Variants in ITGA9 observed in about 807,000 individuals in gnomAD.
The protein encoded by ITGA9 is integrin subunit alpha 9, also known as integrin alpha-9.
A neutral mutation model predicts 127.8 loss-of-function variants in ITGA9; 56 were observed. The ratio of observed to expected loss-of-function variants is 0.44; its 90% CI spans 0.35 to 0.55. The LOEUF (loss-of-function observed/expected upper bound fraction) is 0.55. Ranked by LOEUF, ITGA9 falls within the 20% of genes least tolerant of loss-of-function variation. The probability of loss-of-function intolerance (pLI) is 0.00; values close to 1 mark genes in which losing one functional copy is unlikely to be tolerated. For missense variants in ITGA9, 1,196 were observed against 1,347.1 expected (o/e 0.89, Z 1.76); for synonymous variants, 508 against 514.5 (o/e 0.99, Z 0.17).
chr3:37,461,711 CATAAATCTGCA>C (rs1698318270), intron 1 of ITGA9, among the ~76,000 whole-genome samples: 1 of 152,246 alleles, frequency 6.6e-6, no homozygotes, highest in South Asian at 2.1e-4. Flanking sequence ...TTATGCTCTA[CATAAATCTGCA>C]TTTTTGTGCA....
intron 27 of ITGA9, among the ~76,000 whole-genome samples, chr3:37,810,423 C>CT (rs560251485): frequency 0.02 from 2,904 of 144,204 alleles, 65 homozygotes; most frequent in African/African-American, 0.061. Context: ...TAGTCTGTTT[C>CT]TTTTTTTTTT....
intron 22 of ITGA9, among the ~76,000 whole-genome samples, chr3:37,747,019 G>A (rs1696509324): frequency 1.3e-5 from 2 of 152,176 alleles, no homozygotes; most frequent in Admixed American, 6.5e-5. Context: ...AGGCCACCAA[G>A]CAGCATGTCA....
intron 4 of ITGA9, among the ~76,000 whole-genome samples, chr3:37,486,488 A>G (rs936845854): frequency 6.6e-6 from 1 of 152,238 alleles, no homozygotes; most frequent in African/African-American, 2.4e-5. Context: ...CACAGTGCTC[A>G]GTCGAGAGTG....
chr3:37,768,788 GTT>G (rs577459133), intron 23 of ITGA9, among the ~76,000 whole-genome samples: 5 of 144,100 alleles, frequency 3.5e-5, no homozygotes, highest in Non-Finnish European at 3.1e-5. Flanking sequence ...TACCTTTTAG[GTT>G]TTTTTTTTTT....
intron 15 of ITGA9, among the ~76,000 whole-genome samples, chr3:37,549,446 G>T (rs35513893): frequency 6.6e-6 from 1 of 152,196 alleles, no homozygotes; most frequent in African/African-American, 2.4e-5. Context: ...AAGCTTATTT[G>T]TACAGTATGT....
rs143278623 is a variant in ITGA9, at chr3:37,457,780, G to T, written c.185+5221G>T. ...TGAAGATCTGGAGAAGCTGGCAAGG[G>T]TGCTGTTTTCTGAGCTAGTGCTGAA... On this transcript the variant is annotated intron_variant, in intron 1 of 27. Coordinates refer to ENST00000264741, the MANE Select transcript of ITGA9 (RefSeq NM_002207.3). Among the ~76,000 whole-genome samples, 1,000 of 152,316 alleles carry T rather than the reference G, an allele frequency of 6.6e-3. 7 individuals carry two copies. Among genetic ancestry groups the T allele is most frequent in the Non-Finnish European group, 0.01 (708 of 68,032 alleles).
chr3:37,821,437 G>C lies in ITGA9; in HGVS notation c.*2448G>C, dbSNP rs996970616. 6.6e-6 allele frequency: 1 copy of C among 152,156 alleles called. No individual in the cohort carries two copies. The highest frequency in any genetic ancestry group is 1.5e-5 in the Non-Finnish European group (1 of 68,034). 9.4% of individuals were successfully genotyped at this position (152,156 alleles called of 1,614,324 possible). ...GGGTGGCAAAATGCAGTGGCATGTGGACTTTTTGAATGGGATGCCATTTGC... is the reference window on the plus strand; with the variant it reads ...GGGTGGCAAAATGCAGTGGCATGTGCACTTTTTGAATGGGATGCCATTTGC... On this transcript the variant is annotated 3_prime_UTR_variant, in exon 28 of 28. Transcript: ENST00000264741.
At chr3:37,530,091 C>A (rs906635710) in intron 13 of ITGA9, among the ~76,000 whole-genome samples, 2 of 152,192 alleles carry the variant, frequency 1.3e-5, no homozygotes, top group Admixed American at 6.5e-5. Flanking sequence ...CAAAGACAGG[C>A]TGGAGCCCCT....
At position 37,624,200 on chromosome 3, in the gene ITGA9, C is replaced by CTTTTTTTT. The variant is rs58307041; in HGVS notation, c.1690-4971_1690-4964dup. On this transcript the variant is annotated intron_variant, in intron 15 of 27. Transcript: ENST00000264741. ...GGTTAGCTAAGGAAGAAAAAAAACC[C>CTTTTTTTT]TTTTTTTTTTTTTTTTTTTTTTTAA... is the stretch of plus-strand genomic sequence containing the variant. Among the ~76,000 whole-genome samples the CTTTTTTTT allele has an allele frequency of 3.4e-4, 29 of 85,764 alleles. 3 individuals are homozygous for CTTTTTTTT. Among genetic ancestry groups the CTTTTTTTT allele is most frequent in the African/African-American group, 6.0e-4 (12 of 20,040 alleles). The allele number at this position is 85,764 out of a possible 152,430, so 56.3% of individuals were successfully genotyped here. A position where few individuals can be genotyped will look rare whatever the true frequency, so the allele number is the denominator to read the frequency against.
chr3:37,603,860 C>T (rs1699944035), intron 15 of ITGA9, among the ~76,000 whole-genome samples: 1 of 152,238 alleles, frequency 6.6e-6, no homozygotes, highest in African/African-American at 2.4e-5. Flanking sequence ...CTTTCCTCCA[C>T]ACCCTGCTGC....
chr3:37,533,259 G>C (rs1328088264), intron 13 of ITGA9, 55 bp from the exon 14 acceptor site: 5 of 1,552,108 alleles, frequency 3.2e-6, no homozygotes, highest in Non-Finnish European at 4.4e-6. Flanking sequence ...TTCTTGTTTG[G>C]TTCTGAGAGC....
At chr3:37,671,843 A>G (rs376367691) in intron 17 of ITGA9, among the ~76,000 whole-genome samples, 4 of 152,198 alleles carry the variant, frequency 2.6e-5, no homozygotes, top group African/African-American at 9.7e-5. Context: ...ACTACATGGC[A>G]TAGTAACTCA....
chr3:37,572,576 G>A (rs116851381), intron 15 of ITGA9, among the ~76,000 whole-genome samples: 3 of 152,302 alleles, frequency 2.0e-5, no homozygotes, highest in South Asian at 4.1e-4. Flanking sequence ...AGCTCATGCA[G>A]TTAGAATTGG....
chr3:37,617,203 A>G (rs1355412743), intron 15 of ITGA9, among the ~76,000 whole-genome samples: 2 of 152,144 alleles, frequency 1.3e-5, no homozygotes, highest in South Asian at 2.1e-4. Flanking sequence ...AAAGGATTTT[A>G]TTTCTCCTTC....
chr3:37,544,590 T>C (rs1699307528), intron 15 of ITGA9, among the ~76,000 whole-genome samples: 1 of 152,030 alleles, frequency 6.6e-6, no homozygotes, highest in Non-Finnish European at 1.5e-5. Flanking sequence ...AGAAGAGAGA[T>C]TGAGATGATG....
In ITGA9 at chr3:37,750,491, A is replaced by G. The variant is rs1297089754; in HGVS notation, c.2463A>G (p.Pro821=). 1 of 1,612,146 alleles carries G rather than the reference A, an allele frequency of 6.2e-7. No individual in the cohort carries two copies. ...ACAACACTGGCCCAAGCACCCTTCC[A>G]GGGTCATCTGTCAGCATCTCTTTCC... is the stretch of plus-strand genomic sequence containing the variant. ...QVYNTGPSTL[P]GSSVSISFPN... The change falls in exon 23 of 28, where the codon CCA becomes CCG. Residue 821 remains proline, a synonymous_variant. Coordinates refer to ENST00000264741, the MANE Select transcript of ITGA9 (RefSeq NM_002207.3).
chr3:37,627,562 A>C (rs1039405116), intron 15 of ITGA9, among the ~76,000 whole-genome samples: 1 of 152,198 alleles, frequency 6.6e-6, no homozygotes, highest in Non-Finnish European at 1.5e-5. Flanking sequence ...AACAACAAAC[A>C]AAACAGAATA....
At chr3:37,633,722 CGTT>C (rs1456866190) in intron 16 of ITGA9, among the ~76,000 whole-genome samples, 1 of 152,162 alleles carries the variant, frequency 6.6e-6, no homozygotes, top group Non-Finnish European at 1.5e-5. Flanking sequence ...TATTAACACT[CGTT>C]GATGGCTTAG....
At chr3:37,525,538 C>G (rs909938826) in intron 12 of ITGA9, among the ~76,000 whole-genome samples, 4 of 152,046 alleles carry the variant, frequency 2.6e-5, no homozygotes, top group African/African-American at 7.2e-5. Flanking sequence ...CCAAGAGTCA[C>G]TGAATTCTAG....
Sources: gnomAD v4.1 joint callset for allele counts (sites outside exome capture counted in the v4.1 genomes callset) on GRCh38, gnomAD v4.1.1 for gene constraint, MANE v1.5 for transcripts, NCBI Gene and HGNC (gene_info 2026-07-23, HGNC 2026-07-21) for gene names.